USP42: variants seen among roughly 807,000 people sequenced by gnomAD.
USP42 encodes the protein ubiquitin carboxyl-terminal hydrolase 42.
Under a neutral mutation model 113.0 loss-of-function variants are expected in USP42, and 23 were observed. The observed-to-expected ratio is 0.20, with a 90% CI of 0.15 to 0.29. The LOEUF (loss-of-function observed/expected upper bound fraction) is 0.29, where lower values mean the gene tolerates loss of function less well. USP42 is among the 10% of genes least tolerant of loss of function. The pLI, the probability that USP42 is intolerant of heterozygous loss-of-function variation, is 1.00. For missense variants in USP42, 2,174 were observed against 1,779.8 expected (o/e 1.22, Z -3.99); for synonymous variants, 933 against 699.0 (o/e 1.33, Z -5.28).
intron 3 of USP42, among the ~76,000 whole-genome samples, chr7:6,130,356 A>G (rs1034464860): frequency 5.3e-5 from 8 of 152,210 alleles, no homozygotes; most frequent in Non-Finnish European, 1.0e-4. Context: ...TGCTCCCCAC[A>G]TGGTCTCCAC....
At chr7:6,098,894 T>C in the USP42 span, among the ~76,000 whole-genome samples, 1 of 149,944 alleles carries the variant, frequency 6.7e-6, no homozygotes, top group Admixed American at 6.6e-5. Flanking sequence ...GGTGTCTGCA[T>C]AGTCTTCGGG....
At chr7:6,086,291 T>C in the USP42 span, among the ~76,000 whole-genome samples, 2 of 148,042 alleles carry the variant, frequency 1.4e-5, no homozygotes, top group South Asian at 2.1e-4. Flanking sequence ...CTGCAAGCTC[T>C]GCCTCCTGGG....
upstream of USP42, among the ~76,000 whole-genome samples, chr7:6,101,835 T>C (rs1562789997): frequency 6.6e-6 from 1 of 150,662 alleles, no homozygotes; most frequent in Non-Finnish European, 1.5e-5. Flanking sequence ...TCCCAGCACT[T>C]TGGGAGGCTG....
the USP42 span, among the ~76,000 whole-genome samples, chr7:6,095,674 C>CA: frequency 8.0e-5 from 12 of 150,122 alleles, no homozygotes; most frequent in African/African-American, 2.2e-4. Flanking sequence ...GTCTAAAAAA[C>CA]AAAAAAAATG....
chr7:6,082,101 A>C, the USP42 span, among the ~76,000 whole-genome samples: 1 of 151,864 alleles, frequency 6.6e-6, no homozygotes, highest in Non-Finnish European at 1.5e-5. Context: ...GTATGTATGC[A>C]GAAAATATAT....
the USP42 span, among the ~76,000 whole-genome samples, chr7:6,086,084 GGT>G: frequency 6.8e-6 from 1 of 147,610 alleles, no homozygotes; most frequent in Non-Finnish European, 1.5e-5. Context: ...CACCCAGGTT[GGT>G]TTGCAATGCC....
Position 6,153,919 on chromosome 7 carries a change from G to A in USP42, c.2365G>A (p.Gly789Ser), listed in dbSNP as rs780874083. The A allele has an allele frequency of 1.2e-6, 2 of 1,600,556 alleles. No homozygotes were observed. The highest frequency in any genetic ancestry group is 1.7e-4 in the Middle Eastern group (1 of 5,958). The change falls in exon 15 of 18, where the codon GGC becomes AGC. Residue 789 changes from glycine to serine, a missense_variant. By Grantham distance (56) the Gly-to-Ser change is moderately conservative. Transcript: ENST00000306177. The part of the protein sequence containing the change: ...RDPGTPATKE[G>S]AWEAMAVAPE... ...TCCCGGCACCCCCGCTACCAAAGAA[G>A]GCGCCTGGGAGGCCATGGCCGTCGC...
Position 6,154,458 on chromosome 7 carries a change from G to A in USP42, c.2904G>A (p.Glu968=), listed in dbSNP as rs775585294. ...CGTCCAGCGGGGAGCCCGCCAGAGA[G>A]AGCAGGAGCAAGACTGAGGGCCACC... The part of the protein sequence containing the change: ...ERSSSGEPAR[E]SRSKTEGHRH... The change falls in exon 15 of 18, where the codon GAG becomes GAA. Residue 968 remains glutamate (E), a synonymous_variant. Coordinates refer to ENST00000306177, the MANE Select transcript of USP42 (RefSeq NM_032172.3). 1.9e-6 allele frequency: 3 copies of A among 1,563,150 alleles called. No homozygotes were observed. Among genetic ancestry groups the A allele is most frequent in the East Asian group, 2.4e-5 (1 of 41,808 alleles).
chr7:6,103,944 C>A (rs114253051), upstream of USP42, among the ~76,000 whole-genome samples: 300 of 151,128 alleles, frequency 2.0e-3, 19 homozygotes, highest in African/African-American at 7.0e-3. Flanking sequence ...ATTAAGTGGG[C>A]GTGGTAGCGC....
In USP42 at chr7:6,154,110, G is replaced by T; in HGVS notation, c.2556G>T (p.Pro852=). The change falls in exon 15 of 18, where the codon CCG becomes CCT. Residue 852 remains proline, a synonymous_variant. Transcript: ENST00000306177. ...GPRDSALAEA[P]EGLSPAPPAR... ...GGGACTCGGCGTTGGCGGAAGCCCC[G>T]GAAGGGTTGAGTCCGGCTCCGCCTG... 2 of 1,603,982 alleles carry T rather than the reference G, an allele frequency of 1.2e-6. No homozygotes were observed. Among genetic ancestry groups the T allele is most frequent in the Non-Finnish European group, 1.7e-6 (2 of 1,178,044 alleles).
chr7:6,124,693 A>G (rs911075894), intron 3 of USP42, among the ~76,000 whole-genome samples: 1 of 152,132 alleles, frequency 6.6e-6, no homozygotes, highest in African/African-American at 2.4e-5. Flanking sequence ...ATGGGTTTAA[A>G]TCTACCATCT....
chr7:6,114,575 T>C (rs1172804864), intron 2 of USP42, among the ~76,000 whole-genome samples: 1 of 149,242 alleles, frequency 6.7e-6, no homozygotes, highest in East Asian at 2.0e-4. Context: ...TCAGTGTTCA[T>C]ATTTCTCTGG....
the USP42 span, among the ~76,000 whole-genome samples, chr7:6,086,508 C>T: frequency 1.3e-5 from 2 of 150,748 alleles, no homozygotes; most frequent in Non-Finnish European, 2.9e-5. Context: ...CCCAGCCTAG[C>T]CGGGCTAATT....
At chr7:6,100,006 A>ATTTTTATTT (rs202111561), upstream of USP42, among the ~76,000 whole-genome samples, 6 of 145,780 alleles carry the variant, frequency 4.1e-5, no homozygotes, top group East Asian at 1.2e-3. Context: ...TCACAAGTCT[A>ATTTTTATTT]TTATTATTAT....
At chr7:6,113,557 A>G (rs1212410327) in intron 2 of USP42, among the ~76,000 whole-genome samples, 1 of 152,000 alleles carries the variant, frequency 6.6e-6, no homozygotes, top group Non-Finnish European at 1.5e-5. Context: ...AATAACCACT[A>G]ATAAGTCTCT....
At position 6,150,519 on chromosome 7, in the gene USP42, T is replaced by C; in HGVS notation, c.2201+13T>C. 1 of 1,611,700 alleles carries C rather than the reference T, an allele frequency of 6.2e-7. No homozygotes were observed. On this transcript the variant is annotated intron_variant, in intron 14 of 17. Transcript: ENST00000306177. ...CGGATGAAATGAGGTAACGTAAGAG[T>C]ACATCTGAGGCACGTGTGGCAGCAT...
intron 3 of USP42, among the ~76,000 whole-genome samples, chr7:6,117,348 A>G (rs1053969383): frequency 3.9e-5 from 6 of 152,184 alleles, no homozygotes; most frequent in Admixed American, 3.3e-4. Flanking sequence ...TAATCCTGTC[A>G]ACATTATTCC....
rs1481648557 is a variant in USP42, at chr7:6,139,235, C to A, written c.656+41C>A. On this transcript the variant is annotated intron_variant, in intron 5 of 17. Coordinates refer to ENST00000306177, the MANE Select transcript of USP42 (RefSeq NM_032172.3). The surrounding 1 kb of genome is among the most constrained non-coding windows in gnomAD (Gnocchi z 4.5). ...CGCCAGCCATGTCTTCATTGGGGAT[C>A]TCTGGTTGTAGTTTATTCTTATCAG... 7.0e-7 allele frequency: 1 copy of A among 1,426,122 alleles called. No homozygotes were observed. Among genetic ancestry groups the A allele is most frequent in the Admixed American group, 2.2e-5 (1 of 46,004 alleles). The allele number at this position is 1,426,122 out of a possible 1,614,324, so 88.3% of individuals were successfully genotyped here. A position where few individuals can be genotyped will look rare whatever the true frequency, so the allele number is the denominator to read the frequency against.
chr7:6,128,532 G>T (rs1438436037), intron 3 of USP42, among the ~76,000 whole-genome samples: 2 of 152,056 alleles, frequency 1.3e-5, no homozygotes, highest in Non-Finnish European at 2.9e-5. Flanking sequence ...GAGTTTTTCT[G>T]TAAACAGCGT....
Sources: allele counts gnomAD v4.1 joint callset (sites outside exome capture counted in the v4.1 genomes callset), GRCh38; gene constraint gnomAD v4.1.1; non-coding constraint Gnocchi (gnomAD v3.1); transcripts MANE v1.5; gene names NCBI Gene and HGNC (gene_info 2026-07-23, HGNC 2026-07-21).